Variants in RBFOX1 observed in about 807,000 individuals in gnomAD.
The protein encoded by RBFOX1 is RNA binding protein fox-1 homolog 1.
A neutral mutation model predicts 57.7 loss-of-function variants in RBFOX1; 8 were observed. That is an observed-to-expected ratio of 0.14 (90% CI 0.08 to 0.25). The LOEUF is 0.25. Ranked by LOEUF, RBFOX1 falls within the 10% of genes least tolerant of loss-of-function variation. The pLI, the probability that RBFOX1 is intolerant of heterozygous loss-of-function variation, is 1.00. For missense variants in RBFOX1, 611 were observed against 548.5 expected (o/e 1.11, Z -1.14); for synonymous variants, 326 against 222.4 (o/e 1.47, Z -4.15).
At chr16:6,265,303 C>G (rs1157098541) in intron 1 of RBFOX1, among the ~76,000 whole-genome samples, 2 of 152,004 alleles carry the variant, frequency 1.3e-5, no homozygotes, top group Non-Finnish European at 2.9e-5. Flanking sequence ...GCTTTGTCAC[C>G]TAGGCTGGAG....
chr16:6,083,618 A>T (rs1246209687), intron 1 of RBFOX1, among the ~76,000 whole-genome samples: 1 of 152,106 alleles, frequency 6.6e-6, no homozygotes, highest in Non-Finnish European at 1.5e-5. Context: ...CTTGGACCAC[A>T]GACGTGCGCC....
intron 1 of RBFOX1, among the ~76,000 whole-genome samples, chr16:5,326,299 G>A (rs184348310): frequency 9.4e-4 from 143 of 152,302 alleles, no homozygotes; most frequent in African/African-American, 3.3e-3. Flanking sequence ...ATGTATGTGG[G>A]AGCCAGGTAA....
Position 6,256,706 on chromosome 16 carries a change from C to T in RBFOX1, c.-126-60289C>T, listed in dbSNP as rs544879569. Among the ~76,000 whole-genome samples the T allele has an allele frequency of 2.6e-5, 4 of 152,156 alleles. No individual in the cohort carries two copies. In the South Asian group the frequency reaches 6.2e-4, roughly 24 times the overall value. Reference sequence around the variant, plus strand: ...ATTTTAGGACACTTCGTAGCATCCCCGGCTGCCACTCATGACATGCCAGCA... The same window carrying T: ...ATTTTAGGACACTTCGTAGCATCCCTGGCTGCCACTCATGACATGCCAGCA... On this transcript the variant is annotated intron_variant, in intron 1 of 15. Transcript: ENST00000550418.
At chr16:6,491,283 T>C (rs999466785) in intron 2 of RBFOX1, among the ~76,000 whole-genome samples, 1 of 152,088 alleles carries the variant, frequency 6.6e-6, no homozygotes, top group Non-Finnish European at 1.5e-5. Flanking sequence ...ATAGCCATTT[T>C]AATTCCATAT....
intron 1 of RBFOX1, among the ~76,000 whole-genome samples, chr16:6,102,674 G>A (rs1414907032): frequency 6.6e-6 from 1 of 152,000 alleles, no homozygotes; most frequent in Non-Finnish European, 1.5e-5. Context: ...TTGTTCCCTT[G>A]TGAATTTTAT....
chr16:7,332,583 C>T (rs748969499), intron 4 of RBFOX1, among the ~76,000 whole-genome samples: 19 of 152,252 alleles, frequency 1.2e-4, no homozygotes, highest in African/African-American at 1.7e-4. Flanking sequence ...TAGACCCCAT[C>T]CCTTGCTCTT....
chr16:6,015,456 A>G (rs1220373961), upstream of RBFOX1, among the ~76,000 whole-genome samples: 1 of 152,122 alleles, frequency 6.6e-6, no homozygotes, highest in East Asian at 1.9e-4. Context: ...CTAACCAGTC[A>G]CTCTCCACTG....
intron 1 of RBFOX1, among the ~76,000 whole-genome samples, chr16:5,285,766 GT>G (rs34636764): frequency 6.6e-6 from 1 of 151,268 alleles, no homozygotes; most frequent in Non-Finnish European, 1.5e-5. Context: ...TTAGACTGCA[GT>G]TTTTTTTTGT....
At chr16:6,834,262 A>G (rs983387463) in intron 3 of RBFOX1, among the ~76,000 whole-genome samples, 2 of 151,756 alleles carry the variant, frequency 1.3e-5, no homozygotes, top group Non-Finnish European at 2.9e-5. Flanking sequence ...TTTAGTAGAG[A>G]TGGGGGTTTC....
intron 3 of RBFOX1, among the ~76,000 whole-genome samples, chr16:5,722,719 C>A (rs932588236): frequency 1.3e-5 from 2 of 152,184 alleles, no homozygotes; most frequent in African/African-American, 2.4e-5. Context: ...CAGCTTCAGG[C>A]TTCATGGATA....
intron 2 of RBFOX1, among the ~76,000 whole-genome samples, chr16:6,476,553 A>T (rs571225537): frequency 6.6e-6 from 1 of 152,302 alleles, no homozygotes; most frequent in Admixed American, 6.5e-5. Flanking sequence ...AAAAGACTTT[A>T]TTGCTAAAAT....
chr16:5,693,647 C>T (rs77912665), intron 3 of RBFOX1, among the ~76,000 whole-genome samples: 3,917 of 152,118 alleles, frequency 0.026, 144 homozygotes, highest in East Asian at 0.16. Flanking sequence ...AAAGACGCAG[C>T]GAGAATCTTG....
chr16:6,538,927 G>A (rs913210939), intron 2 of RBFOX1, among the ~76,000 whole-genome samples: 1 of 152,124 alleles, frequency 6.6e-6, no homozygotes, highest in African/African-American at 2.4e-5. Flanking sequence ...TTCTTAGCTG[G>A]TGCCAGGTTG....
intron 2 of RBFOX1, among the ~76,000 whole-genome samples, chr16:6,499,156 A>G (rs549961842): frequency 5.4e-4 from 82 of 152,300 alleles, no homozygotes; most frequent in African/African-American, 1.4e-3. Context: ...TGGAAGCTGG[A>G]TGCTGGTGGA....
At chr16:6,442,427 C>A (rs866298779) in intron 2 of RBFOX1, among the ~76,000 whole-genome samples, 3 of 151,932 alleles carry the variant, frequency 2.0e-5, no homozygotes. Context: ...CATGGTGGCA[C>A]GCGCCTGTAA....
Position 6,064,564 on chromosome 16 carries a change from C to T in RBFOX1, c.-127+44572C>T, listed in dbSNP as rs533530467. Among the ~76,000 whole-genome samples the T allele has an allele frequency of 9.9e-5, 15 of 151,982 alleles. No homozygotes were observed. In the East Asian group the frequency reaches 1.2e-3, roughly 12 times the overall value. ...TTTTTATTATTATTATTTTTTTAGA[C>T]GGAGTGTCGCTCTGTCACCAGGCTG... is the stretch of plus-strand genomic sequence containing the variant. On this transcript the variant is annotated intron_variant, in intron 1 of 15. Transcript: ENST00000550418.
chr16:5,574,448 C>G (rs2046388291), intron 2 of RBFOX1, among the ~76,000 whole-genome samples: 1 of 147,496 alleles, frequency 6.8e-6, no homozygotes, highest in Non-Finnish European at 1.5e-5. Flanking sequence ...AAGACGGTGT[C>G]TCTGTCGCCG....
At chr16:7,253,670 C>T (rs549643665) in intron 4 of RBFOX1, among the ~76,000 whole-genome samples, 40 of 152,298 alleles carry the variant, frequency 2.6e-4, no homozygotes, top group African/African-American at 9.1e-4. Flanking sequence ...CATCACTTCT[C>T]CTTACCCTAC....
At chr16:7,305,141 G>GTTTTTTT (rs1305843885) in intron 4 of RBFOX1, among the ~76,000 whole-genome samples, 2 of 151,158 alleles carry the variant, frequency 1.3e-5, no homozygotes, top group African/African-American at 4.9e-5. Flanking sequence ...GCGTGTGTGG[G>GTTTTTTT]TTTTTTTTTC....
Sources: gnomAD v4.1 joint callset for allele counts (sites outside exome capture counted in the v4.1 genomes callset) on GRCh38, gnomAD v4.1.1 for gene constraint, MANE v1.5 for transcripts, NCBI Gene and HGNC (gene_info 2026-07-23, HGNC 2026-07-21) for gene names.